Variants in CTNND2 observed in about 807,000 individuals in gnomAD.
CTNND2 encodes the protein catenin delta 2.
CTNND2 carries 22 observed loss-of-function variants against 144.4 expected under a neutral mutation model. The ratio of observed to expected loss-of-function variants is 0.15; its 90% CI spans 0.11 to 0.22. The LOEUF (loss-of-function observed/expected upper bound fraction) is 0.22, where lower values mean the gene tolerates loss of function less well. Among genes scored for constraint, CTNND2 ranks in the 10% least tolerant of loss-of-function variants. The pLI is 1.00. For missense variants in CTNND2, 1,353 were observed against 1,618.8 expected (o/e 0.84, Z 2.82); for synonymous variants, 751 against 695.6 (o/e 1.08, Z -1.25).
intron 1 of CTNND2, among the ~76,000 whole-genome samples, chr5:11,885,838 A>G (rs1226620634): frequency 6.6e-6 from 1 of 152,212 alleles, no homozygotes; most frequent in Non-Finnish European, 1.5e-5. Context: ...TTTTCTGACC[A>G]CAATGGAATA....
intron 10 of CTNND2, among the ~76,000 whole-genome samples, chr5:11,217,803 T>G (rs2149858413): frequency 6.6e-6 from 1 of 152,318 alleles, no homozygotes; most frequent in Admixed American, 6.5e-5. Flanking sequence ...GTTCAAAAGC[T>G]TAAGGTTGTC....
At chr5:11,105,008 C>T (rs1752285332) in intron 14 of CTNND2, among the ~76,000 whole-genome samples, 1 of 152,224 alleles carries the variant, frequency 6.6e-6, no homozygotes, top group South Asian at 2.1e-4. Flanking sequence ...GCCTACTCCA[C>T]AGACTGGCAT....
intron 3 of CTNND2, among the ~76,000 whole-genome samples, chr5:11,536,427 CAT>C (rs201289120): frequency 0.016 from 2,432 of 152,260 alleles, 67 homozygotes; most frequent in African/African-American, 0.056. Flanking sequence ...CTTGCACACA[CAT>C]GTTTATAGCA....
At chr5:11,094,574 G>A (rs906245409) in intron 15 of CTNND2, among the ~76,000 whole-genome samples, 6 of 150,604 alleles carry the variant, frequency 4.0e-5, no homozygotes, top group African/African-American at 1.5e-4. Flanking sequence ...CCGCCTCCCA[G>A]GTTCAAGGGA....
chr5:11,751,546 G>T (rs1388278455), intron 1 of CTNND2, among the ~76,000 whole-genome samples: 2 of 151,766 alleles, frequency 1.3e-5, no homozygotes, highest in African/African-American at 4.8e-5. Flanking sequence ...CATTCATGTT[G>T]CTTCAATGAA....
At chr5:11,271,133 C>T (rs779182936) in intron 9 of CTNND2, among the ~76,000 whole-genome samples, 1 of 152,260 alleles carries the variant, frequency 6.6e-6, no homozygotes, top group Middle Eastern at 3.4e-3. Context: ...AAGTTATCCT[C>T]GCAAAGGTAG....
intron 9 of CTNND2, among the ~76,000 whole-genome samples, chr5:11,311,006 CCCCACACACACAATACA>C (rs1750759855): frequency 6.8e-6 from 1 of 146,910 alleles, no homozygotes; most frequent in Non-Finnish European, 1.5e-5. Flanking sequence ...TGCACCCTCA[CCCCACACACACAATACA>C]CTCACACACA....
chr5:11,036,624 C>T (rs540892194), intron 16 of CTNND2, among the ~76,000 whole-genome samples: 12 of 152,164 alleles, frequency 7.9e-5, no homozygotes, highest in Admixed American at 2.0e-4. Context: ...GATTTCACCA[C>T]GTTGGCCACA....
chr5:11,104,226 A>G (rs1752191712), intron 14 of CTNND2, among the ~76,000 whole-genome samples: 1 of 152,228 alleles, frequency 6.6e-6, no homozygotes, highest in South Asian at 2.1e-4. Context: ...AATAAACAAC[A>G]GACCAGAGAT....
At chr5:11,585,522 A>ATCTG (rs1252030258) in intron 2 of CTNND2, among the ~76,000 whole-genome samples, 1 of 151,548 alleles carries the variant, frequency 6.6e-6, no homozygotes, top group Non-Finnish European at 1.5e-5. Flanking sequence ...CTATCTATCT[A>ATCTG]TATCAGATTC....
At chr5:11,672,407 G>A (rs577376605) in intron 2 of CTNND2, among the ~76,000 whole-genome samples, 30 of 152,292 alleles carry the variant, frequency 2.0e-4, no homozygotes, top group East Asian at 7.7e-4. Flanking sequence ...CAGGTGATCC[G>A]TCCCAGGGAG....
At chr5:11,775,375 C>T (rs375992906) in intron 1 of CTNND2, among the ~76,000 whole-genome samples, 13 of 152,208 alleles carry the variant, frequency 8.5e-5, no homozygotes, top group African/African-American at 3.1e-4. Context: ...TATCCATTTC[C>T]TCATCTGTAA....
At position 11,384,419 on chromosome 5, in the gene CTNND2, G is replaced by A. The variant is rs1484187165; in HGVS notation, c.1177+246C>T. ...GGGGAGAGGGCAGAGAGAGAAGAGAGGAGAGAAGAGAGTGATATAGGTGTT... is the reference window on the plus strand; with the variant it reads ...GGGGAGAGGGCAGAGAGAGAAGAGAAGAGAGAAGAGAGTGATATAGGTGTT... On this transcript the variant is annotated intron_variant, in intron 7 of 21. Coordinates refer to ENST00000304623, the MANE Select transcript of CTNND2 (RefSeq NM_001332.4). The surrounding 1 kb of genome is among the most constrained non-coding windows in gnomAD (Gnocchi z 5.2). 4 of 540,038 alleles carry A rather than the reference G, an allele frequency of 7.4e-6. No individual in the cohort carries two copies. The highest frequency in any genetic ancestry group is 1.3e-5 in the Non-Finnish European group (4 of 306,884). 33.5% of individuals were successfully genotyped at this position (540,038 alleles called of 1,614,324 possible).
chr5:11,321,815 T>C (rs1302634814), intron 9 of CTNND2, among the ~76,000 whole-genome samples: 1 of 152,308 alleles, frequency 6.6e-6, no homozygotes, highest in East Asian at 1.9e-4. Context: ...ATTTTCAGCA[T>C]GAAGCTTGGC....
chr5:11,726,697 A>G (rs1015542196), intron 2 of CTNND2, among the ~76,000 whole-genome samples: 3 of 152,196 alleles, frequency 2.0e-5, no homozygotes, highest in African/African-American at 7.2e-5. Flanking sequence ...ACAAAACCCC[A>G]CATACTAAAG....
At chr5:11,225,136 C>A (rs1740193701) in intron 10 of CTNND2, among the ~76,000 whole-genome samples, 1 of 152,138 alleles carries the variant, frequency 6.6e-6, no homozygotes, top group Non-Finnish European at 1.5e-5. Flanking sequence ...TGAAGTGGGT[C>A]AAACTGCAGT....
At chr5:11,761,076 T>A (rs1003853909) in intron 1 of CTNND2, among the ~76,000 whole-genome samples, 1 of 152,190 alleles carries the variant, frequency 6.6e-6, no homozygotes, top group South Asian at 2.1e-4. Context: ...TGGTACTTGA[T>A]GATGTCAATA....
chr5:11,389,946 T>G (rs1430046304), intron 6 of CTNND2, among the ~76,000 whole-genome samples: 1 of 152,238 alleles, frequency 6.6e-6, no homozygotes, highest in Non-Finnish European at 1.5e-5. Flanking sequence ...TACAAATGAA[T>G]TTTGTCTTTA....
At chr5:11,288,680 G>C (rs866114879) in intron 9 of CTNND2, among the ~76,000 whole-genome samples, 1 of 152,188 alleles carries the variant, frequency 6.6e-6, no homozygotes, top group Middle Eastern at 3.4e-3. Context: ...TAGAAAGAAG[G>C]AAGAGACTGA....
Sources: allele counts gnomAD v4.1 joint callset (sites outside exome capture counted in the v4.1 genomes callset), GRCh38; gene constraint gnomAD v4.1.1; non-coding constraint Gnocchi (gnomAD v3.1); transcripts MANE v1.5; gene names NCBI Gene and HGNC (gene_info 2026-07-23, HGNC 2026-07-21).